GMEB1: variants seen among roughly 807,000 people sequenced by gnomAD.
GMEB1 encodes the protein glucocorticoid modulatory element binding protein 1, also known as glucocorticoid modulatory element-binding protein 1.
Under a neutral mutation model 52.4 loss-of-function variants are expected in GMEB1, and 6 were observed. The ratio of observed to expected loss-of-function variants is 0.11; its 90% CI spans 0.06 to 0.23. The LOEUF is 0.23. Among genes scored for constraint, GMEB1 ranks in the 10% least tolerant of loss-of-function variants. The pLI, the probability that GMEB1 is intolerant of heterozygous loss-of-function variation, is 1.00. For synonymous variants in GMEB1, 255 were observed against 244.9 expected, an observed-to-expected ratio of 1.04 and a Z score of -0.38; for missense variants, 486 against 685.6, an observed-to-expected ratio of 0.71 and a Z score of 3.25.
rs779337776 is a variant in GMEB1 at position 28,690,210 on chromosome 1, T to TG, written c.211+24_211+25insG. 2.9e-5 allele frequency: 31 copies of TG among 1,064,756 alleles called. No homozygotes were observed. The Admixed American group carries it at 5.0e-4, about 17-fold the overall frequency. 66.0% of individuals were successfully genotyped at this position (1,064,756 alleles called of 1,614,324 possible). A position where few individuals can be genotyped will look rare whatever the true frequency, so the allele number is the denominator to read the frequency against. On this transcript the variant is annotated intron_variant, in intron 3 of 9. Coordinates refer to ENST00000373816, the MANE Select transcript of GMEB1 (RefSeq NM_001319674.2). ...TGGTAAGGGTTTTTTTGTGTTTTTT[T>TG]TTTTTTTTTTTTTTGTCATTCTAAT...
chr1:28,715,290 C>A lies in GMEB1; in HGVS notation c.*517C>A, dbSNP rs1671238313. 1 of 154,158 alleles carries A rather than the reference C, an allele frequency of 6.5e-6. No homozygotes were observed. Among genetic ancestry groups the A allele is most frequent in the Admixed American group, 6.4e-5 (1 of 15,676 alleles). The allele number at this position is 154,158 out of a possible 1,614,324, so 9.5% of individuals were successfully genotyped here. On this transcript the variant is annotated 3_prime_UTR_variant, in exon 10 of 10. Transcript: ENST00000373816. ...CTGCTTTGAGGGGAAGGTGGCATGC[C>A]AGCACTAGCTTAAAAAGGGAAGTGC...
rs1237383046 is a variant in GMEB1 at position 28,706,977 on chromosome 1, G to GTTT, written c.868+2671_868+2673dup. ...CCACCATGCCTGTCCTCCAGATTTG[G>GTTT]TTTTTTTTTTTTTTTTTTTTTTTTT... On this transcript the variant is annotated intron_variant, in intron 8 of 9. Transcript: ENST00000373816. Among the ~76,000 whole-genome samples the GTTT allele has an allele frequency of 3.4e-3, 278 of 82,762 alleles. 6 individuals carry two copies. The highest frequency in any genetic ancestry group is 5.0e-3 in the African/African-American group (89 of 17,632). The allele number at this position is 82,762 out of a possible 152,430, so 54.3% of individuals were successfully genotyped here. A position where few individuals can be genotyped will look rare whatever the true frequency, so the allele number is the denominator to read the frequency against.
intron 8 of GMEB1, among the ~76,000 whole-genome samples, chr1:28,706,976 G>GTT (rs1553139500): frequency 5.9e-5 from 6 of 101,374 alleles, no homozygotes; most frequent in African/African-American, 1.8e-4. Context: ...CTCCAGATTT[G>GTT]GTTTTTTTTT....
At position 28,676,465 on chromosome 1, in the gene GMEB1, C is replaced by G. The variant is rs576638393; in HGVS notation, c.-30-7118C>G. ...AAAATTGGCCAGGCGTGGTGGCTCA[C>G]GCCTGTAATCCCAACACTTTGGGAG... is the stretch of plus-strand genomic sequence containing the variant. On this transcript the variant is annotated intron_variant, in intron 1 of 9. Coordinates refer to ENST00000373816, the MANE Select transcript of GMEB1 (RefSeq NM_001319674.2). Among the ~76,000 whole-genome samples, 4 of 152,280 alleles carry G rather than the reference C, an allele frequency of 2.6e-5. No homozygotes were observed. In the East Asian group the frequency reaches 7.7e-4, roughly 29 times the overall value.
chr1:28,702,410 G>C, intron 6 of GMEB1, 28 bp from the exon 7 acceptor site: 1 of 1,605,650 alleles, frequency 6.2e-7, no homozygotes, highest in Non-Finnish European at 8.5e-7. Context: ...TAAATTCACT[G>C]TTCTCACCTC....
intron 6 of GMEB1, among the ~76,000 whole-genome samples, chr1:28,698,554 A>G (rs1276832135): frequency 6.6e-6 from 1 of 151,982 alleles, no homozygotes; most frequent in Non-Finnish European, 1.5e-5. Context: ...GGGTGCCTGT[A>G]GTCCCAGCTA....
At chr1:28,706,375 C>T (rs1374749547) in intron 8 of GMEB1, among the ~76,000 whole-genome samples, 2 of 152,000 alleles carry the variant, frequency 1.3e-5, no homozygotes, top group East Asian at 3.9e-4. Context: ...GAGGCTAAGG[C>T]AGGTGGATCA....
At chr1:28,713,921 C>A (rs563939503) in intron 9 of GMEB1, 152 bp from the exon 10 acceptor site, 11 of 648,580 alleles carry the variant, frequency 1.7e-5, no homozygotes, top group African/African-American at 1.1e-4. Context: ...ACTCTGCCCC[C>A]CAAATAAGCA....
At chr1:28,683,500 A>AT (rs1474229945) in intron 1 of GMEB1, 83 bp from the exon 2 acceptor site, 1 of 1,202,482 alleles carries the variant, frequency 8.3e-7, no homozygotes, top group Non-Finnish European at 1.2e-6. Flanking sequence ...AAGTGCTGGG[A>AT]TTCCAGGCGT....
upstream of GMEB1, among the ~76,000 whole-genome samples, chr1:28,668,440 G>A (rs1188650240): frequency 2.0e-5 from 3 of 152,100 alleles, no homozygotes; most frequent in Non-Finnish European, 4.4e-5. Context: ...AACAGGATTT[G>A]GGGAGGTAAA....
chr1:28,710,498 G>C, intron 8 of GMEB1, 22 bp from the exon 9 acceptor site: 1 of 1,574,584 alleles, frequency 6.4e-7, no homozygotes, highest in Non-Finnish European at 8.6e-7. Flanking sequence ...AACTGGACAG[G>C]CATGTCTTTT....
At chr1:28,691,947 G>A (rs1037686748) in intron 4 of GMEB1, among the ~76,000 whole-genome samples, 4 of 151,388 alleles carry the variant, frequency 2.6e-5, no homozygotes, top group Admixed American at 2.0e-4. Flanking sequence ...TTGGGAGACT[G>A]AGGTGGGAAG....
chr1:28,681,704 C>T (rs1669395306), intron 1 of GMEB1, among the ~76,000 whole-genome samples: 1 of 151,804 alleles, frequency 6.6e-6, no homozygotes, highest in African/African-American at 2.4e-5. Flanking sequence ...CTTCTGACTA[C>T]ACTTTTTTTT....
In GMEB1 at chr1:28,707,132, A is replaced by G. The variant is rs191857872; in HGVS notation, c.868+2803A>G. ...CGAGTAGCTGGGACTACAGGTGCCC[A>G]CCACCACGGCCAGCTAATTTTTTAT... On this transcript the variant is annotated intron_variant, in intron 8 of 9. Coordinates refer to ENST00000373816, the MANE Select transcript of GMEB1 (RefSeq NM_001319674.2). 3.3e-3 allele frequency among the ~76,000 whole-genome samples: 494 copies of G among 151,252 alleles called. 2 individuals are homozygous for G. The highest frequency in any genetic ancestry group is 0.012 in the African/African-American group (477 of 41,176).
chr1:28,670,373 A>AT (rs1255236851), intron 1 of GMEB1, among the ~76,000 whole-genome samples: 1 of 145,102 alleles, frequency 6.9e-6, no homozygotes, highest in African/African-American at 2.6e-5. Flanking sequence ...TGTTGCCCAG[A>AT]CTGGAGTGCA....
chr1:28,696,819 T>A lies in GMEB1; in HGVS notation c.441-108T>A, dbSNP rs530991932. On this transcript the variant is annotated intron_variant, in intron 5 of 9. Transcript: ENST00000373816. The stretch of plus-strand genomic sequence containing the variant: ...GACTTCTAACACTATTAGGTTTCAC[T>A]AATCTACACAGTAGGCTCAGCAGTG... 17 of 785,898 alleles carry A rather than the reference T, an allele frequency of 2.2e-5. No individual in the cohort carries two copies. The South Asian group carries it at 4.5e-4, about 21-fold the overall frequency. The allele number at this position is 785,898 out of a possible 1,614,324, so 48.7% of individuals were successfully genotyped here.
rs141341522 is a variant in GMEB1, at chr1:28,699,517, C to T, written c.598+2433C>T. On this transcript the variant is annotated intron_variant, in intron 6 of 9. Transcript: ENST00000373816. ...CAATCTTGGCTCACTGCAACCTCCC[C>T]CTCCCGGGTTCAAGCAATTCTCCTG... Among the ~76,000 whole-genome samples the T allele has an allele frequency of 3.7e-3, 556 of 152,044 alleles. 7 individuals carry two copies. The highest frequency in any genetic ancestry group is 0.013 in the African/African-American group (531 of 41,474).
rs1252429266 is a variant in GMEB1, at chr1:28,697,181, A to ATATT, written c.598+100_598+101insTTAT. ...TGTGTACATATATATATATATATATATATATATATATATATATATGTATTT... is the reference window on the plus strand; with the variant it reads ...TGTGTACATATATATATATATATATATATTTATATATATATATATATATGTATTT... On this transcript the variant is annotated intron_variant, in intron 6 of 9. Transcript: ENST00000373816. 1.6e-5 allele frequency: 3 copies of ATATT among 190,556 alleles called. No individual in the cohort carries two copies. In the East Asian group the frequency reaches 4.9e-4, roughly 31 times the overall value. The allele number at this position is 190,556 out of a possible 1,614,324, so 11.8% of individuals were successfully genotyped here.
At chr1:28,712,948 C>T (rs1446343933) in intron 9 of GMEB1, among the ~76,000 whole-genome samples, 1 of 151,144 alleles carries the variant, frequency 6.6e-6, no homozygotes, top group Non-Finnish European at 1.5e-5. Context: ...GTCAGGAGAT[C>T]GAGACCATCC....
Sources: allele counts gnomAD v4.1 joint callset (sites outside exome capture counted in the v4.1 genomes callset), GRCh38; gene constraint gnomAD v4.1.1; transcripts MANE v1.5; gene names NCBI Gene and HGNC (gene_info 2026-07-23, HGNC 2026-07-21).